The following PPARA variants were observed in gnomAD, a reference collection of about 807,000 sequenced individuals.
The protein encoded by PPARA is peroxisome proliferator activated receptor alpha.
Under a neutral mutation model 42.2 loss-of-function variants are expected in PPARA, and 22 were observed. That is an observed-to-expected ratio of 0.52 (90% confidence interval 0.37 to 0.74). The LOEUF (loss-of-function observed/expected upper bound fraction) is 0.74. Ranked by LOEUF, PPARA falls within the 30% of genes least tolerant of loss-of-function variation. The probability of loss-of-function intolerance (pLI) is 0.00; values close to 1 mark genes in which losing one functional copy is unlikely to be tolerated. For synonymous variants in PPARA, 242 were observed against 239.3 expected (o/e 1.01, Z -0.10); for missense variants, 465 against 608.2 (o/e 0.76, Z 2.48).
chr22:46,177,540 T>G (rs1272227447), intron 3 of PPARA, among the ~76,000 whole-genome samples: 1 of 152,134 alleles, frequency 6.6e-6, no homozygotes, highest in African/African-American at 2.4e-5. Flanking sequence ...TTATGTAGTC[T>G]AAATTTTGGA....
intron 2 of PPARA, among the ~76,000 whole-genome samples, chr22:46,158,705 A>T (rs981236216): frequency 1.3e-5 from 2 of 152,212 alleles, no homozygotes; most frequent in African/African-American, 4.8e-5. Flanking sequence ...TTTAAGTGGG[A>T]TGAATTTTTT....
chr22:46,177,251 A>G (rs1929276975), intron 3 of PPARA, among the ~76,000 whole-genome samples: 1 of 152,006 alleles, frequency 6.6e-6, no homozygotes, highest in South Asian at 2.1e-4. Context: ...TCTGTTTAAT[A>G]GCCTACTAGT....
intron 4 of PPARA, among the ~76,000 whole-genome samples, chr22:46,208,094 CTTTA>C (rs1479269020): frequency 1.3e-5 from 2 of 152,048 alleles, no homozygotes; most frequent in African/African-American, 2.4e-5. Context: ...GTTGCTTTAA[CTTTA>C]TTTATTAATT....
At chr22:46,208,356 T>A (rs1224316633) in intron 4 of PPARA, among the ~76,000 whole-genome samples, 1 of 152,056 alleles carries the variant, frequency 6.6e-6, no homozygotes, top group Non-Finnish European at 1.5e-5. Context: ...AAGACTAGCC[T>A]GGCCAACATG....
At chr22:46,220,119 C>T (rs1394597500) in intron 7 of PPARA, 105 bp downstream of exon 7, 6 of 1,322,256 alleles carry the variant, frequency 4.5e-6, no homozygotes, top group Non-Finnish European at 5.3e-6. Flanking sequence ...TATATTTATC[C>T]CACAGTTAAG....
rs1285468098 is a variant in PPARA, at chr22:46,203,137, T to C, written c.208+4546T>C. ...TCATTTGTACTCATCTCACAATTGT[T>C]AAAACCTCTTTCCTCCCTTCCAGGT... On this transcript the variant is annotated intron_variant, in intron 4 of 8. Coordinates refer to ENST00000407236, the MANE Select transcript of PPARA (RefSeq NM_005036.6). The surrounding 1 kb of genome is among the most constrained non-coding windows in gnomAD (Gnocchi z 5.8). Among the ~76,000 whole-genome samples the C allele has an allele frequency of 6.6e-6, 1 of 152,158 alleles. No individual in the cohort carries two copies. The highest frequency in any genetic ancestry group is 1.5e-5 in the Non-Finnish European group (1 of 68,018).
chr22:46,160,357 T>A lies in PPARA; in HGVS notation c.-127+8387T>A, dbSNP rs1925979009. Among the ~76,000 whole-genome samples, 1 of 152,216 alleles carries A rather than the reference T, an allele frequency of 6.6e-6. No homozygotes were observed. Among genetic ancestry groups the A allele is most frequent in the African/African-American group, 2.4e-5 (1 of 41,470 alleles). On this transcript the variant is annotated intron_variant, in intron 2 of 8. Transcript: ENST00000407236. This position sits in a 1 kb window ranked among gnomAD's most constrained non-coding sequence, Gnocchi z 4.5. ...TGTCACCCAGGCCGGAGTGCAGTGG[T>A]GCGATCTCAGCTCACTGCAATCTCT...
chr22:46,192,853 T>C lies in PPARA; in HGVS notation c.-42-5489T>C, dbSNP rs540834888. Among the ~76,000 whole-genome samples the C allele has an allele frequency of 3.9e-5, 6 of 152,332 alleles. No homozygotes were observed. In the East Asian group the frequency reaches 1.2e-3, roughly 29 times the overall value. Reference sequence around the variant, plus strand: ...ACATGGGTGGAACTGGAGATCATTATGTTAAGTGAAATAATCCAGGCACAG... The same window carrying C: ...ACATGGGTGGAACTGGAGATCATTACGTTAAGTGAAATAATCCAGGCACAG... On this transcript the variant is annotated intron_variant, in intron 3 of 8. Transcript: ENST00000407236. The surrounding 1 kb of genome is among the most constrained non-coding windows in gnomAD (Gnocchi z 4.3).
At chr22:46,223,510 G>A (rs1337877594) in intron 7 of PPARA, among the ~76,000 whole-genome samples, 3 of 151,850 alleles carry the variant, frequency 2.0e-5, no homozygotes, top group Non-Finnish European at 4.4e-5. Flanking sequence ...AGGCATGGTC[G>A]TGGGCACCTG....
rs79983878 is a variant in PPARA at position 46,221,017 on chromosome 22, C to T, written c.711+1003C>T. ...TCTGCTATAAAGAAATCCCTGAGAC[C>T]TGGTAATTTATAAAGAAAAGAGGTT... On this transcript the variant is annotated intron_variant, in intron 7 of 8. Coordinates refer to ENST00000407236, the MANE Select transcript of PPARA (RefSeq NM_005036.6). This position sits in a 1 kb window ranked among gnomAD's most constrained non-coding sequence, Gnocchi z 5.9. 0.12 allele frequency among the ~76,000 whole-genome samples: 18,346 copies of T among 151,900 alleles called. 3,473 individuals are homozygous for T. Among genetic ancestry groups the T allele is most frequent in the African/African-American group, 0.41 (16,920 of 41,328 alleles).
chr22:46,220,649 A>G (rs4253797), intron 7 of PPARA: 1 of 154,216 alleles, frequency 6.5e-6, no homozygotes, highest in Non-Finnish European at 1.4e-5. Context: ...GGATTTAAAA[A>G]AAAAAAAACT....
intron 4 of PPARA, among the ~76,000 whole-genome samples, chr22:46,201,415 C>T (rs78024813): frequency 0.012 from 1,792 of 152,138 alleles, 34 homozygotes; most frequent in African/African-American, 0.042. Context: ...TCTCCTGGCG[C>T]GTTAAGCAGA....
intron 2 of PPARA, among the ~76,000 whole-genome samples, chr22:46,172,610 C>G (rs1928269376): frequency 6.6e-6 from 1 of 151,996 alleles, no homozygotes; most frequent in African/African-American, 2.4e-5. Flanking sequence ...AGAGCAAGGC[C>G]CCATCTCAAA....
In PPARA at chr22:46,242,855, C is replaced by T. The variant is rs1164046975; in HGVS notation, c.*7475C>T. The stretch of plus-strand genomic sequence containing the variant: ...GTATATGCACAGAGCACAAGAGAGG[C>T]TATCTCTAGTCACTTCCACCAGCGA... On this transcript the variant is annotated 3_prime_UTR_variant, in exon 9 of 9. Coordinates refer to ENST00000407236, the MANE Select transcript of PPARA (RefSeq NM_005036.6). This position sits in a 1 kb window ranked among gnomAD's most constrained non-coding sequence, Gnocchi z 6.1. 6.6e-6 allele frequency: 1 copy of T among 152,550 alleles called. No homozygotes were observed. The highest frequency in any genetic ancestry group is 1.5e-5 in the Non-Finnish European group (1 of 68,046). 9.4% of individuals were successfully genotyped at this position (152,550 alleles called of 1,614,324 possible). A position where few individuals can be genotyped will look rare whatever the true frequency, so the allele number is the denominator to read the frequency against.
At position 46,209,260 on chromosome 22, in the gene PPARA, A is replaced by T. The variant is rs557415591; in HGVS notation, c.209-5913A>T. 3.9e-5 allele frequency among the ~76,000 whole-genome samples: 6 copies of T among 152,256 alleles called. No individual in the cohort carries two copies. In the East Asian group the frequency reaches 1.2e-3, roughly 29 times the overall value. On this transcript the variant is annotated intron_variant, in intron 4 of 8. Coordinates refer to ENST00000407236, the MANE Select transcript of PPARA (RefSeq NM_005036.6). ...TCTTTTTATATATCTGGCTGCTTCT[A>T]AATTTTTTTCTTTCTTACCAATTCT...
At chr22:46,215,462 G>C in intron 5 of PPARA, 129 bp downstream of exon 5, 2 of 1,234,272 alleles carry the variant, frequency 1.6e-6, no homozygotes, top group Non-Finnish European at 2.3e-6. Flanking sequence ...TTCAGGCCAG[G>C]CGCGGTATCT....
At position 46,157,464 on chromosome 22, in the gene PPARA, G is replaced by A. The variant is rs139201039; in HGVS notation, c.-127+5494G>A. Reference sequence around the variant, plus strand: ...CTCTTCTTCCTTCTGTAGGGAGCAGGTGTTTCCTCCAGATGTCCAATATGT... The same window carrying A: ...CTCTTCTTCCTTCTGTAGGGAGCAGATGTTTCCTCCAGATGTCCAATATGT... On this transcript the variant is annotated intron_variant, in intron 2 of 8. Transcript: ENST00000407236. Among the ~76,000 whole-genome samples, 978 of 152,282 alleles carry A rather than the reference G, an allele frequency of 6.4e-3. 6 individuals are homozygous for A. Among genetic ancestry groups the A allele is most frequent in the Middle Eastern group, 0.02 (6 of 294 alleles).
rs1244551383 is a variant in PPARA at position 46,160,811 on chromosome 22, A to G, written c.-127+8841A>G. On this transcript the variant is annotated intron_variant, in intron 2 of 8. Transcript: ENST00000407236. The surrounding 1 kb of genome is among the most constrained non-coding windows in gnomAD (Gnocchi z 4.5). ...AGATGGGGTTTAGCCATGTTCAGCT[A>G]GTCTCAAACTCCTGGGCTCAAGTGA... is the stretch of plus-strand genomic sequence containing the variant. Among the ~76,000 whole-genome samples, 1 of 152,172 alleles carries G rather than the reference A, an allele frequency of 6.6e-6. No homozygotes were observed. Among genetic ancestry groups the G allele is most frequent in the African/African-American group, 2.4e-5 (1 of 41,434 alleles).
At chr22:46,207,674 ATTATTTTTTT>A (rs1182883307) in intron 4 of PPARA, among the ~76,000 whole-genome samples, 2 of 61,726 alleles carry the variant, frequency 3.2e-5, no homozygotes, top group African/African-American at 1.3e-4. Flanking sequence ...TATTATTATT[ATTATTTTTTT>A]TTTTTTTTTT....
Sources: gnomAD v4.1 joint callset for allele counts (sites outside exome capture counted in the v4.1 genomes callset) on GRCh38, gnomAD v4.1.1 for gene constraint, Gnocchi (gnomAD v3.1) non-coding constraint, MANE v1.5 for transcripts, NCBI Gene and HGNC (gene_info 2026-07-23, HGNC 2026-07-21) for gene names.